COL12A1: variants seen among roughly 807,000 people sequenced by gnomAD.
COL12A1 encodes the protein collagen alpha-1(XII) chain.
COL12A1 carries 114 observed loss-of-function variants against 349.7 expected under a neutral mutation model. The observed-to-expected ratio is 0.33, with a 90% CI of 0.28 to 0.38. The LOEUF (loss-of-function observed/expected upper bound fraction) is 0.38. Ranked by LOEUF, COL12A1 falls within the 10% of genes least tolerant of loss-of-function variation. COL12A1 has a pLI of 1.00. For synonymous variants in COL12A1, 1,369 were observed against 1,329.0 expected, an observed-to-expected ratio of 1.03 and a Z score of -0.66; for missense variants, 3,284 against 3,756.9, an observed-to-expected ratio of 0.87 and a Z score of 3.29.
At position 75,124,021 on chromosome 6, in the gene COL12A1, A is replaced by G; in HGVS notation, c.6798T>C (p.Thr2266=). ...SHCFTGLSPD[T]DYGVTVFVQT... is the part of the protein sequence containing the mutation. ...GCACAAAAACAGTGACACCATAATC[A>G]GTGTCTGGTGAAAGGCCAGTGAAGC... is the stretch of plus-strand genomic sequence containing the variant. The change falls in exon 42 of 66, where the codon ACT becomes ACC. Residue 2266 remains threonine (T), a synonymous_variant. Transcript: ENST00000322507. 6.2e-7 allele frequency: 1 copy of G among 1,613,992 alleles called. No individual in the cohort carries two copies. Among genetic ancestry groups the G allele is most frequent in the Non-Finnish European group, 8.5e-7 (1 of 1,179,858 alleles).
chr6:75,177,958 G>T, intron 11 of COL12A1, 23 bp from the exon 12 acceptor site: 3 of 1,570,220 alleles, frequency 1.9e-6, no homozygotes, highest in Non-Finnish European at 2.6e-6. Flanking sequence ...AGGAAAAATA[G>T]ATTTTAAACC....
chr6:75,117,943 C>T (rs973761014), intron 46 of COL12A1, among the ~76,000 whole-genome samples: 3 of 152,228 alleles, frequency 2.0e-5, no homozygotes, highest in Middle Eastern at 3.4e-3. Context: ...GTTCTTGAAA[C>T]TGATTTTCTC....
At position 75,123,362 on chromosome 6, in the gene COL12A1, G is replaced by A. The variant is rs1765844509; in HGVS notation, c.6914C>T (p.Pro2305Leu). The A allele has an allele frequency of 1.1e-5, 18 of 1,606,764 alleles. No homozygotes were observed. Among genetic ancestry groups the A allele is most frequent in the Non-Finnish European group, 1.4e-5 (17 of 1,176,326 alleles). ...GGCTGGTGGAATGGTGGGAGGGGGA[G>A]GAGGTGTGGGTGGCTCTGTAGGGGC... ...TEAPTEPPTPPPPPTIPPARD... is the reference protein window; with the variant it reads ...TEAPTEPPTPLPPPTIPPARD... Residue 2305 changes from proline (P) to leucine (L), a missense_variant, in exon 43 of 66, where the codon CCT becomes CTT. Physicochemically the swap from Pro to Leu is moderately conservative, Grantham distance 98 (BLOSUM62 -3). This residue lies in a region of COL12A1 where 2,601 missense variants were observed against 2,824.8 expected (regional missense o/e 0.92). Coordinates refer to ENST00000322507, the MANE Select transcript of COL12A1 (RefSeq NM_004370.6).
Position 75,146,063 on chromosome 6 carries a change from T to G in COL12A1, c.4560+39A>C, listed in dbSNP as rs768712287. On this transcript the variant is annotated intron_variant, in intron 24 of 65. Coordinates refer to ENST00000322507, the MANE Select transcript of COL12A1 (RefSeq NM_004370.6). ...ATAGGCACTATAAAGCTATAAAGTC[T>G]TGGGAAGACCCAATGTTAAAGAAAC... The G allele has an allele frequency of 1.9e-6, 3 of 1,551,114 alleles. No homozygotes were observed. In the Admixed American group the frequency reaches 6.0e-5, roughly 31 times the overall value.
At chr6:75,133,717 T>C in intron 33 of COL12A1, 141 bp downstream of exon 33, 1 of 1,002,800 alleles carries the variant, frequency 1.0e-6, no homozygotes, top group Non-Finnish European at 1.5e-6. Flanking sequence ...GCATCAACTA[T>C]TTACCCTCTA....
In COL12A1 at chr6:75,123,841, C is replaced by T. The variant is rs536266178; in HGVS notation, c.6871+107G>A. 175 of 1,162,962 alleles carry T rather than the reference C, an allele frequency of 1.5e-4. No individual in the cohort carries two copies. The East Asian group carries it at 3.9e-3, about 26-fold the overall frequency. The allele number at this position is 1,162,962 out of a possible 1,614,324, so 72.0% of individuals were successfully genotyped here. A position where few individuals can be genotyped will look rare whatever the true frequency, so the allele number is the denominator to read the frequency against. ...ATCTGCCATCATCCCATCATTATTGCTACCCCTACGGAGAGGTACCTGCAC... is the reference window on the plus strand; with the variant it reads ...ATCTGCCATCATCCCATCATTATTGTTACCCCTACGGAGAGGTACCTGCAC... On this transcript the variant is annotated intron_variant, in intron 42 of 65. Transcript: ENST00000322507.
chr6:75,187,383 T>G (rs1769682460), intron 8 of COL12A1, among the ~76,000 whole-genome samples: 1 of 151,844 alleles, frequency 6.6e-6, no homozygotes, highest in South Asian at 2.1e-4. Flanking sequence ...ACAGGGAAAG[T>G]TCCAACAGTG....
At chr6:75,103,898 T>C in intron 54 of COL12A1, 88 bp from the exon 55 acceptor site, 3 of 922,432 alleles carry the variant, frequency 3.3e-6, no homozygotes, top group Non-Finnish European at 5.0e-6. Flanking sequence ...AAAGTGCAAT[T>C]TCCAGACAAT....
Position 75,123,406 on chromosome 6 carries a change from T to C in COL12A1, c.6872-2A>G, listed in dbSNP as rs2149372690. On this transcript the variant is annotated splice_acceptor_variant, in intron 42 of 65. Transcript: ENST00000322507. LOFTEE classifies it high-confidence loss of function. Reference sequence around the variant, plus strand: ...TAGGGGCTTCTGTTGGTTTCACAGCTAAAATTTAAAAATAATAATTATAAA... The same window carrying C: ...TAGGGGCTTCTGTTGGTTTCACAGCCAAAATTTAAAAATAATAATTATAAA... The C allele has an allele frequency of 6.4e-7, 1 of 1,552,666 alleles. No homozygotes were observed. The highest frequency in any genetic ancestry group is 8.7e-7 in the Non-Finnish European group (1 of 1,148,960).
rs1246397590 is a variant in COL12A1, at chr6:75,143,366, A to T, written c.4713T>A (p.Asp1571Glu). Reference sequence around the variant, plus strand: ...TGTGAGTCACATCTCTGAGTTTCAGATCCTGAGGTCTGGGTAAAGGCACTA... The same window carrying T: ...TGTGAGTCACATCTCTGAGTTTCAGTTCCTGAGGTCTGGGTAAAGGCACTA... The part of the protein sequence containing the change: ...EVTLPLPRPQ[D>E]LKLRDVTHST... Residue 1571 changes from aspartate (D) to glutamate (E), a missense_variant, in exon 26 of 66, where the codon GAT (aspartate) becomes GAA (glutamate). Transcript: ENST00000322507. 25 of 1,613,668 alleles carry T rather than the reference A, an allele frequency of 1.5e-5. No homozygotes were observed. The highest frequency in any genetic ancestry group is 2.0e-5 in the Non-Finnish European group (24 of 1,179,924).
intron 11 of COL12A1, among the ~76,000 whole-genome samples, chr6:75,179,533 T>C (rs1389781319): frequency 2.9e-5 from 4 of 137,226 alleles, no homozygotes; most frequent in Non-Finnish European, 6.2e-5. Context: ...GAAATATACC[T>C]AAACCATGCA....
chr6:75,181,264 A>C, intron 10 of COL12A1, 53 bp from the exon 11 acceptor site: 2 of 1,491,560 alleles, frequency 1.3e-6, no homozygotes, highest in Non-Finnish European at 1.8e-6. Flanking sequence ...ATAAAACAAA[A>C]CAGTAACCAA....
In COL12A1 at chr6:75,177,809, T is replaced by C; in HGVS notation, c.2291A>G (p.Glu764Gly). The change falls in exon 12 of 66, where the codon GAG becomes GGG. Residue 764 changes from glutamate to glycine, a missense_variant. By Grantham distance (98) the Glu-to-Gly change is moderately conservative. Transcript: ENST00000322507. Reference sequence around the variant, plus strand: ...GGGTGGGGTGGTAACTTCTCTGCTCTCTCCACCAGCAACTGGTCTATATAT... The same window carrying C: ...GGGTGGGGTGGTAACTTCTCTGCTCCCTCCACCAGCAACTGGTCTATATAT... Reference protein sequence around the residue: ...RIIYRPVAGGESREVTTPPNQ... With the variant: ...RIIYRPVAGGGSREVTTPPNQ... 6.2e-7 allele frequency: 1 copy of C among 1,614,102 alleles called. No homozygotes were observed. Among genetic ancestry groups the C allele is most frequent in the Non-Finnish European group, 8.5e-7 (1 of 1,180,018 alleles).
intron 1 of COL12A1, among the ~76,000 whole-genome samples, chr6:75,204,482 G>A (rs1367250167): frequency 1.3e-5 from 2 of 152,288 alleles, no homozygotes; most frequent in South Asian, 2.1e-4. Context: ...ACGCCAGCCA[G>A]CCAAGCATCC....
At chr6:75,180,026 T>C (rs1016108926) in intron 11 of COL12A1, among the ~76,000 whole-genome samples, 27 of 152,224 alleles carry the variant, frequency 1.8e-4, no homozygotes, top group African/African-American at 6.0e-4. Context: ...CAGGGCGCTA[T>C]GCCACACACC....
intron 11 of COL12A1, among the ~76,000 whole-genome samples, chr6:75,178,707 C>T (rs1231349735): frequency 6.6e-6 from 1 of 152,194 alleles, no homozygotes; most frequent in Non-Finnish European, 1.5e-5. Context: ...TTTGTCTTCT[C>T]AGTCCACTGG....
At chr6:75,178,231 C>T (rs1393456421) in intron 11 of COL12A1, among the ~76,000 whole-genome samples, 1 of 152,062 alleles carries the variant, frequency 6.6e-6, no homozygotes, top group Non-Finnish European at 1.5e-5. Flanking sequence ...CTATCAAATG[C>T]TAAATTTATA....
At chr6:75,113,792 A>C (rs1291693267) in intron 49 of COL12A1, 48 bp from the exon 50 acceptor site, 1 of 1,402,564 alleles carries the variant, frequency 7.1e-7, no homozygotes, top group Admixed American at 2.1e-5. Flanking sequence ...AGAAAAAAAG[A>C]AAGGAAGAAA....
chr6:75,094,373 TTAAA>T (rs1767909766), intron 60 of COL12A1, among the ~76,000 whole-genome samples: 1 of 152,158 alleles, frequency 6.6e-6, no homozygotes, highest in African/African-American at 2.4e-5. Context: ...AAAAAATTGC[TTAAA>T]TAAATTCACA....
Sources: allele counts gnomAD v4.1 joint callset (sites outside exome capture counted in the v4.1 genomes callset), GRCh38; gene constraint gnomAD v4.1.1; regional missense constraint gnomAD v4.1.1; transcripts MANE v1.5; gene names NCBI Gene and HGNC (gene_info 2026-07-23, HGNC 2026-07-21).